The following GABRB1 variants were observed in gnomAD, a reference collection of about 807,000 sequenced individuals.
GABRB1 encodes the protein gamma-aminobutyric acid type A receptor subunit beta1.
A neutral mutation model predicts 51.6 loss-of-function variants in GABRB1; 17 were observed. The ratio of observed to expected loss-of-function variants is 0.33; its 90% CI spans 0.23 to 0.49. The LOEUF (loss-of-function observed/expected upper bound fraction) is 0.49. Ranked by LOEUF, GABRB1 falls within the 20% of genes least tolerant of loss-of-function variation. The pLI is 0.99. For missense variants in GABRB1, 410 were observed against 600.6 expected (o/e 0.68, Z 3.32); for synonymous variants, 247 against 218.9 (o/e 1.13, Z -1.14).
chr4:47,361,663 GA>G (rs901456843), intron 5 of GABRB1, among the ~76,000 whole-genome samples: 4 of 152,196 alleles, frequency 2.6e-5, no homozygotes, highest in Middle Eastern at 3.4e-3. Flanking sequence ...AGTGGTGATG[GA>G]AAAAAACTGG....
intron 4 of GABRB1, among the ~76,000 whole-genome samples, chr4:47,243,729 A>AT (rs1721628111): frequency 1.3e-5 from 2 of 152,286 alleles, no homozygotes; most frequent in South Asian, 4.1e-4. Flanking sequence ...TTGCACATTG[A>AT]TTTTGTATCC....
At chr4:47,252,757 A>C (rs1352830824) in intron 4 of GABRB1, among the ~76,000 whole-genome samples, 4 of 151,990 alleles carry the variant, frequency 2.6e-5, no homozygotes, top group Non-Finnish European at 5.9e-5. Flanking sequence ...ATCCACCCAA[A>C]GTGGAGGATC....
At chr4:47,018,618 C>G (rs1051229333) in intron 1 of GABRB1, among the ~76,000 whole-genome samples, 1 of 152,136 alleles carries the variant, frequency 6.6e-6, no homozygotes, top group Non-Finnish European at 1.5e-5. Context: ...ACTGATAACA[C>G]AAGCAGTTGA....
chr4:47,048,045 G>A (rs1336750655), intron 3 of GABRB1, among the ~76,000 whole-genome samples: 1 of 152,124 alleles, frequency 6.6e-6, no homozygotes, highest in East Asian at 1.9e-4. Context: ...AAAGGCAAGA[G>A]GGTGAGACCA....
chr4:47,125,507 T>G (rs1716080236), intron 3 of GABRB1, among the ~76,000 whole-genome samples: 1 of 150,924 alleles, frequency 6.6e-6, no homozygotes, highest in Non-Finnish European at 1.5e-5. Context: ...TAAAATTATT[T>G]CAAGATAGCT....
chr4:47,073,282 G>T (rs1459999314), intron 3 of GABRB1, among the ~76,000 whole-genome samples: 1 of 152,182 alleles, frequency 6.6e-6, no homozygotes, highest in Non-Finnish European at 1.5e-5. Flanking sequence ...CCTAATAAAA[G>T]TTGGATATAT....
At chr4:47,063,829 G>A (rs978091654) in intron 3 of GABRB1, among the ~76,000 whole-genome samples, 3 of 151,964 alleles carry the variant, frequency 2.0e-5, no homozygotes, top group African/African-American at 7.3e-5. Context: ...AGTGGGAGCC[G>A]AACAATGAGA....
At chr4:47,133,197 AACATTCAAACT>A (rs1011500739) in intron 3 of GABRB1, among the ~76,000 whole-genome samples, 3 of 152,208 alleles carry the variant, frequency 2.0e-5, no homozygotes, top group African/African-American at 7.2e-5. Context: ...CACAGCCTGG[AACATTCAAACT>A]ACATAAATTT....
intron 1 of GABRB1, among the ~76,000 whole-genome samples, chr4:46,998,330 T>C (rs1724067170): frequency 6.6e-6 from 1 of 152,332 alleles, no homozygotes; most frequent in East Asian, 1.9e-4. Context: ...TAAGACAATG[T>C]ATCAATATTT....
At chr4:47,049,999 C>T (rs1726274148) in intron 3 of GABRB1, among the ~76,000 whole-genome samples, 1 of 152,176 alleles carries the variant, frequency 6.6e-6, no homozygotes, top group Non-Finnish European at 1.5e-5. Context: ...TGTATTTGTT[C>T]ATCTTTCTCA....
At chr4:47,270,307 G>A (rs1470890938) in intron 4 of GABRB1, among the ~76,000 whole-genome samples, 1 of 152,130 alleles carries the variant, frequency 6.6e-6, no homozygotes, top group African/African-American at 2.4e-5. Flanking sequence ...CTGCCTATTA[G>A]TAAGTGAGTT....
chr4:47,179,583 C>T (rs1447253186), intron 4 of GABRB1, among the ~76,000 whole-genome samples: 1 of 152,114 alleles, frequency 6.6e-6, no homozygotes, highest in Non-Finnish European at 1.5e-5. Context: ...ATATGTTTTA[C>T]TTGCTTTCAA....
At chr4:47,293,433 C>T (rs1305019548) in intron 4 of GABRB1, among the ~76,000 whole-genome samples, 1 of 152,200 alleles carries the variant, frequency 6.6e-6, no homozygotes, top group Non-Finnish European at 1.5e-5. Flanking sequence ...GCCACCGTGC[C>T]TGGCCCTAAG....
intron 4 of GABRB1, among the ~76,000 whole-genome samples, chr4:47,298,336 A>G (rs1316739586): frequency 6.6e-6 from 1 of 152,110 alleles, no homozygotes; most frequent in Non-Finnish European, 1.5e-5. Context: ...TATCTAGAAA[A>G]CCCCATCATC....
chr4:47,370,480 C>T (rs1455197121), intron 5 of GABRB1, among the ~76,000 whole-genome samples: 4 of 114,746 alleles, frequency 3.5e-5, no homozygotes, highest in Non-Finnish European at 7.6e-5. Context: ...GGACGAGACT[C>T]CATCTCAAAA....
intron 4 of GABRB1, among the ~76,000 whole-genome samples, chr4:47,186,783 C>A (rs180996453): frequency 5.9e-4 from 89 of 151,998 alleles, no homozygotes; most frequent in African/African-American, 2.0e-3. Flanking sequence ...ATTAGAGAGA[C>A]TCCTTTGGCA....
chr4:47,024,622 ATGGATAAGTTCCTTAG>A (rs1432531001), intron 1 of GABRB1, among the ~76,000 whole-genome samples: 3 of 151,898 alleles, frequency 2.0e-5, no homozygotes, highest in Admixed American at 1.3e-4. Flanking sequence ...ATTTGGTTAT[ATGGATAAGTTCCTTAG>A]TGATGATTTG....
At chr4:47,251,321 G>A (rs3098797) in intron 4 of GABRB1, among the ~76,000 whole-genome samples, 1 of 151,972 alleles carries the variant, frequency 6.6e-6, no homozygotes, top group Non-Finnish European at 1.5e-5. Flanking sequence ...TTCAGTCATA[G>A]ATACCAGCAA....
chr4:47,335,707 C>A (rs1430450171), intron 5 of GABRB1, among the ~76,000 whole-genome samples: 3 of 152,080 alleles, frequency 2.0e-5, no homozygotes, highest in Non-Finnish European at 4.4e-5. Context: ...ATTGAAAATT[C>A]TCTTTTTTTC....
Sources: allele counts gnomAD v4.1 joint callset (sites outside exome capture counted in the v4.1 genomes callset), GRCh38; gene constraint gnomAD v4.1.1; transcripts MANE v1.5; gene names NCBI Gene and HGNC (gene_info 2026-07-23, HGNC 2026-07-21).